Variants in WDR27 observed in about 807,000 individuals in gnomAD.
WDR27 encodes the protein WD repeat domain 27, also known as WD repeat-containing protein 27.
Under a neutral mutation model 114.4 loss-of-function variants are expected in WDR27, and 100 were observed. The ratio of observed to expected loss-of-function variants is 0.87; its 90% CI spans 0.74 to 1.03. The LOEUF is 1.03. WDR27 is among the 50% of genes least tolerant of loss of function. The pLI is 0.00. For missense variants in WDR27, 1,129 were observed against 1,092.9 expected (o/e 1.03, Z -0.47); for synonymous variants, 449 against 423.1 (o/e 1.06, Z -0.75).
intron 1 of WDR27, 66 bp from the exon 2 acceptor site, chr6:169,689,078 T>G (rs568787057): frequency 1.8e-6 from 2 of 1,113,256 alleles, no homozygotes; most frequent in Non-Finnish European, 1.3e-6. Flanking sequence ...AAAAGTCTAT[T>G]ACCTACTGAT....
At chr6:169,556,584 G>A (rs1798914498) in intron 25 of WDR27, among the ~76,000 whole-genome samples, 1 of 152,190 alleles carries the variant, frequency 6.6e-6, no homozygotes, top group Non-Finnish European at 1.5e-5. Context: ...TTAGGCCACA[G>A]AAAGCATTAA....
the WDR27 span, among the ~76,000 whole-genome samples, chr6:169,442,896 T>C: frequency 6.6e-6 from 1 of 152,226 alleles, no homozygotes; most frequent in East Asian, 1.9e-4. Context: ...CCCAATGCTA[T>C]TAAGCATGCC....
intron 24 of WDR27, among the ~76,000 whole-genome samples, chr6:169,578,552 A>G (rs1584351352): frequency 6.6e-6 from 1 of 152,230 alleles, no homozygotes; most frequent in East Asian, 1.9e-4. Flanking sequence ...CCTACATAGA[A>G]GCTCCCAGGG....
intron 6 of WDR27, among the ~76,000 whole-genome samples, chr6:169,666,087 T>C (rs1827759802): frequency 6.6e-6 from 1 of 152,240 alleles, no homozygotes; most frequent in Non-Finnish European, 1.5e-5. Context: ...CTGTCAGTAA[T>C]TTAGGAGCAT....
chr6:169,585,812 G>C (rs955337742), intron 23 of WDR27, among the ~76,000 whole-genome samples: 2 of 152,270 alleles, frequency 1.3e-5, no homozygotes, highest in Non-Finnish European at 1.5e-5. Context: ...AGCGGTGGCC[G>C]AGGCAGAAGA....
intron 21 of WDR27, among the ~76,000 whole-genome samples, chr6:169,628,604 G>A (rs1413990619): frequency 6.6e-6 from 1 of 152,146 alleles, no homozygotes; most frequent in Non-Finnish European, 1.5e-5. Context: ...GTGAGAATGG[G>A]TAATGCCAGT....
Position 169,652,090 on chromosome 6 carries a change from C to A in WDR27, c.1403-82G>T. ...GGACATGAGAAGAACAGAGTCTCTT[C>A]AAAACAGAAACATTCACACAAACAG... On this transcript the variant is annotated intron_variant, in intron 13 of 25. Transcript: ENST00000448612. 5 of 1,252,058 alleles carry A rather than the reference C, an allele frequency of 4.0e-6. No homozygotes were observed. The East Asian group carries it at 1.2e-4, about 30-fold the overall frequency. 77.6% of individuals were successfully genotyped at this position (1,252,058 alleles called of 1,614,324 possible). A position where few individuals can be genotyped will look rare whatever the true frequency, so the allele number is the denominator to read the frequency against.
chr6:169,527,074 T>C (rs1005109358), intron 25 of WDR27, among the ~76,000 whole-genome samples: 2 of 152,230 alleles, frequency 1.3e-5, no homozygotes, highest in Admixed American at 6.5e-5. Context: ...GCCACTGGTA[T>C]AAAGGTTTAG....
chr6:169,650,441 CTCCA>C (rs1244161049), intron 14 of WDR27, among the ~76,000 whole-genome samples: 1 of 148,996 alleles, frequency 6.7e-6, no homozygotes, highest in African/African-American at 2.5e-5. Flanking sequence ...CCTCTCATCT[CTCCA>C]TCCCTCTTTC....
chr6:169,524,437 A>G (rs1794731358), intron 25 of WDR27, among the ~76,000 whole-genome samples: 1 of 152,176 alleles, frequency 6.6e-6, no homozygotes. Flanking sequence ...ATTTTCTAAT[A>G]TTTATATAGA....
intron 21 of WDR27, among the ~76,000 whole-genome samples, chr6:169,630,140 T>C (rs1010131097): frequency 1.3e-5 from 2 of 152,206 alleles, no homozygotes; most frequent in Non-Finnish European, 2.9e-5. Context: ...AGGAGAGACT[T>C]TTCTTGTTAG....
chr6:169,438,877 G>A, the WDR27 span, among the ~76,000 whole-genome samples: 2 of 152,106 alleles, frequency 1.3e-5, no homozygotes, highest in African/African-American at 2.4e-5. Flanking sequence ...TCTAGTACAG[G>A]TCTAAGTTTT....
intron 22 of WDR27, among the ~76,000 whole-genome samples, chr6:169,604,602 G>A (rs1808726965): frequency 6.6e-6 from 1 of 152,054 alleles, no homozygotes; most frequent in African/African-American, 2.4e-5. Context: ...CATTCTATGT[G>A]GCCAGTATCA....
intron 25 of WDR27, among the ~76,000 whole-genome samples, chr6:169,568,173 TCAGGAACCAC>T (rs2128124044): frequency 1.1e-5 from 1 of 94,386 alleles, no homozygotes; most frequent in South Asian, 3.2e-4. Context: ...GGAACCACAC[TCAGGAACCAC>T]AGACTGAAGG....
chr6:169,479,504 G>A (rs1002815379), intron 25 of WDR27, among the ~76,000 whole-genome samples: 1 of 152,116 alleles, frequency 6.6e-6, no homozygotes, highest in Non-Finnish European at 1.5e-5. Flanking sequence ...CTCCAGACAG[G>A]AGCATCCAGA....
intron 13 of WDR27, among the ~76,000 whole-genome samples, chr6:169,654,708 G>A (rs762952532): frequency 7.3e-5 from 11 of 150,232 alleles, no homozygotes; most frequent in African/African-American, 1.2e-4. Flanking sequence ...AGGAGGAGGC[G>A]CGCACAGGAG....
At chr6:169,492,684 T>C (rs906886494) in intron 25 of WDR27, among the ~76,000 whole-genome samples, 2 of 151,864 alleles carry the variant, frequency 1.3e-5, no homozygotes, top group Admixed American at 6.6e-5. Context: ...TATGAAATGA[T>C]GAATTTCAGT....
At chr6:169,665,958 T>G (rs974074218) in intron 6 of WDR27, among the ~76,000 whole-genome samples, 1 of 152,148 alleles carries the variant, frequency 6.6e-6, no homozygotes, top group Non-Finnish European at 1.5e-5. Context: ...GATTCCTGAG[T>G]CAGCCAGAAA....
chr6:169,467,483 T>G (rs1785744468), intron 25 of WDR27, among the ~76,000 whole-genome samples: 1 of 152,210 alleles, frequency 6.6e-6, no homozygotes, highest in South Asian at 2.1e-4. Flanking sequence ...CTCCCAAACC[T>G]CAATTCTTGA....
Sources: allele counts gnomAD v4.1 joint callset (sites outside exome capture counted in the v4.1 genomes callset), GRCh38; gene constraint gnomAD v4.1.1; transcripts MANE v1.5; gene names NCBI Gene and HGNC (gene_info 2026-07-23, HGNC 2026-07-21).